The following PRKN variants were observed in gnomAD, a reference collection of about 807,000 sequenced individuals.
The protein encoded by PRKN is E3 ubiquitin-protein ligase parkin.
PRKN carries 56 observed loss-of-function variants against 59.5 expected under a neutral mutation model. The observed-to-expected ratio is 0.94, with a 90% CI of 0.76 to 1.18. The LOEUF (loss-of-function observed/expected upper bound fraction) is 1.18, where lower values mean the gene tolerates loss of function less well. Ranked by LOEUF, PRKN falls within the 50% of genes most tolerant of loss-of-function variation. The pLI, the probability that PRKN is intolerant of heterozygous loss-of-function variation, is 0.00. For synonymous variants in PRKN, 250 were observed against 222.1 expected (o/e 1.13, Z -1.12); for missense variants, 657 against 596.4 (o/e 1.10, Z -1.06).
At chr6:162,219,266 T>G (rs182466426) in intron 3 of PRKN, among the ~76,000 whole-genome samples, 1 of 152,280 alleles carries the variant, frequency 6.6e-6, no homozygotes. Flanking sequence ...TCACAAAATC[T>G]ACTAGAACGC....
chr6:161,677,774 G>T (rs995873634), intron 7 of PRKN, among the ~76,000 whole-genome samples: 4 of 152,216 alleles, frequency 2.6e-5, no homozygotes, highest in African/African-American at 4.8e-5. Context: ...CAAATCTCAA[G>T]CTTGACTAAC....
At chr6:162,593,670 C>A (rs913769692) in intron 1 of PRKN, among the ~76,000 whole-genome samples, 4 of 152,026 alleles carry the variant, frequency 2.6e-5, no homozygotes. Context: ...CAGGAGCCAG[C>A]GGGCCCAGAG....
chr6:162,041,851 T>C (rs1422005492), intron 5 of PRKN, among the ~76,000 whole-genome samples: 1 of 152,182 alleles, frequency 6.6e-6, no homozygotes, highest in African/African-American at 2.4e-5. Context: ...TTTCTTGGGA[T>C]CTGTCAGTTA....
At chr6:162,434,317 C>T (rs990098359) in intron 2 of PRKN, among the ~76,000 whole-genome samples, 4 of 152,130 alleles carry the variant, frequency 2.6e-5, no homozygotes, top group African/African-American at 9.7e-5. Context: ...GATGTTCTGC[C>T]TCCATTCAAA....
At chr6:162,342,621 C>T (rs935634134) in intron 2 of PRKN, among the ~76,000 whole-genome samples, 2 of 151,990 alleles carry the variant, frequency 1.3e-5, no homozygotes, top group Admixed American at 1.3e-4. Flanking sequence ...TACTATGCAC[C>T]ATGCAGTGTG....
At chr6:161,690,114 A>T (rs2128175301) in intron 7 of PRKN, among the ~76,000 whole-genome samples, 1 of 152,304 alleles carries the variant, frequency 6.6e-6, no homozygotes, top group South Asian at 2.1e-4. Context: ...ACCAGTGATT[A>T]CACTGTAAGG....
At chr6:161,727,295 T>C (rs1237609979) in intron 7 of PRKN, among the ~76,000 whole-genome samples, 1 of 152,166 alleles carries the variant, frequency 6.6e-6, no homozygotes, top group Non-Finnish European at 1.5e-5. Flanking sequence ...TCCTGAGGAC[T>C]GTTTCTCTGC....
rs147599364 is a variant in PRKN at position 162,144,882 on chromosome 6, C to A, written c.534+56249G>T. On this transcript the variant is annotated intron_variant, in intron 4 of 11. Transcript: ENST00000366898. ...CATTTAAGGCTACGGTGGAGTGAAA[C>A]GACGAGGATGAACGTAAAAGGCCTA... Among the ~76,000 whole-genome samples the A allele has an allele frequency of 1.2e-3, 175 of 152,110 alleles. 1 individual carries two copies. The highest frequency in any genetic ancestry group is 3.8e-3 in the African/African-American group (158 of 41,482).
intron 11 of PRKN, among the ~76,000 whole-genome samples, chr6:161,350,549 T>A (rs1383021459): frequency 7.0e-6 from 1 of 143,186 alleles, no homozygotes; most frequent in Non-Finnish European, 1.5e-5. Flanking sequence ...CATTTAAATA[T>A]ATTCAAATAT....
chr6:162,087,357 C>T (rs187082930), intron 4 of PRKN, among the ~76,000 whole-genome samples: 1 of 152,142 alleles, frequency 6.6e-6, no homozygotes, highest in Admixed American at 6.5e-5. Context: ...GAGTTGAGAA[C>T]ATGAGAATGC....
chr6:162,548,705 C>T (rs7757772), intron 1 of PRKN, among the ~76,000 whole-genome samples: 24,993 of 152,122 alleles, frequency 0.16, 3,174 homozygotes, highest in African/African-American at 0.35. Flanking sequence ...GCTTGAGCTG[C>T]AATGAGCTCA....
intron 4 of PRKN, among the ~76,000 whole-genome samples, chr6:162,065,705 T>C (rs1778308885): frequency 6.6e-6 from 1 of 152,170 alleles, no homozygotes; most frequent in Admixed American, 6.5e-5. Context: ...TTTCTCCTAA[T>C]GCCATCCCTC....
At chr6:161,978,262 C>G (rs986460960) in intron 5 of PRKN, among the ~76,000 whole-genome samples, 2 of 152,014 alleles carry the variant, frequency 1.3e-5, no homozygotes, top group Non-Finnish European at 1.5e-5. Flanking sequence ...TGTTAATCAG[C>G]TGATGTCAAA....
At chr6:162,359,346 C>CCCTA (rs1200288341) in intron 2 of PRKN, among the ~76,000 whole-genome samples, 3 of 151,798 alleles carry the variant, frequency 2.0e-5, no homozygotes, top group African/African-American at 7.2e-5. Flanking sequence ...GTTTTGAGAG[C>CCCTA]CCTAACATGG....
chr6:161,503,903 A>C lies in PRKN; in HGVS notation c.1083+44951T>G, dbSNP rs1778053352. Reference sequence around the variant, plus strand: ...ACCAGAGTCCCCTTCAGCCTTGATCATTGAGACACCCTAGACAGGGGGAAA... The same window carrying C: ...ACCAGAGTCCCCTTCAGCCTTGATCCTTGAGACACCCTAGACAGGGGGAAA... On this transcript the variant is annotated intron_variant, in intron 9 of 11. Transcript: ENST00000366898. This position sits in a 1 kb window ranked among gnomAD's most constrained non-coding sequence, Gnocchi z 5.1. Among the ~76,000 whole-genome samples, 2 of 152,182 alleles carry C rather than the reference A, an allele frequency of 1.3e-5. No individual in the cohort carries two copies. The highest frequency in any genetic ancestry group is 1.3e-4 in the Admixed American group (2 of 15,286).
chr6:161,806,016 T>A (rs532217995), intron 6 of PRKN, among the ~76,000 whole-genome samples: 1 of 152,310 alleles, frequency 6.6e-6, no homozygotes, highest in South Asian at 2.1e-4. Flanking sequence ...AGCAGCCTAC[T>A]CCCTGGCATA....
At chr6:161,849,733 T>C (rs1229486120) in intron 6 of PRKN, among the ~76,000 whole-genome samples, 1 of 152,244 alleles carries the variant, frequency 6.6e-6, no homozygotes, top group Non-Finnish European at 1.5e-5. Flanking sequence ...GAATTTTGGG[T>C]TCACATTTAG....
At chr6:161,513,198 C>A (rs898836478) in intron 9 of PRKN, among the ~76,000 whole-genome samples, 1 of 152,152 alleles carries the variant, frequency 6.6e-6, no homozygotes, top group Non-Finnish European at 1.5e-5. Flanking sequence ...CAAACTGTGA[C>A]GGGATATTCC....
At chr6:161,416,501 C>T (rs947460406) in intron 9 of PRKN, among the ~76,000 whole-genome samples, 5 of 152,074 alleles carry the variant, frequency 3.3e-5, no homozygotes, top group Admixed American at 2.0e-4. Context: ...ACAACTCACC[C>T]AAAGTCACTC....
Sources: allele counts gnomAD v4.1 joint callset (sites outside exome capture counted in the v4.1 genomes callset), GRCh38; gene constraint gnomAD v4.1.1; non-coding constraint Gnocchi (gnomAD v3.1); transcripts MANE v1.5; gene names NCBI Gene and HGNC (gene_info 2026-07-23, HGNC 2026-07-21).